Variants in MCUB observed in about 807,000 individuals in gnomAD.
MCUB encodes mitochondrial calcium uniporter dominant negative subunit beta.
Under a neutral mutation model 41.4 loss-of-function variants are expected in MCUB, and 46 were observed. The observed-to-expected ratio is 1.11, with a 90% CI of 0.88 to 1.42. The LOEUF (loss-of-function observed/expected upper bound fraction) is 1.42, where lower values mean the gene tolerates loss of function less well. Ranked by LOEUF, MCUB falls within the 40% of genes most tolerant of loss-of-function variation. MCUB has a pLI of 0.00. For synonymous variants in MCUB, 148 were observed against 148.2 expected, an observed-to-expected ratio of 1.00 and a Z score of 0.01; for missense variants, 403 against 404.9, an observed-to-expected ratio of 1.00 and a Z score of 0.04.
chr4:109,637,686 T>C (rs1469650590), intron 1 of MCUB, among the ~76,000 whole-genome samples: 1 of 152,120 alleles, frequency 6.6e-6, no homozygotes, highest in Non-Finnish European at 1.5e-5. Context: ...CATTCATAAG[T>C]GGGAGCTAAG....
At chr4:109,587,057 C>G (rs1312896783) in intron 1 of MCUB, among the ~76,000 whole-genome samples, 1 of 152,206 alleles carries the variant, frequency 6.6e-6, no homozygotes, top group Non-Finnish European at 1.5e-5. Context: ...ATGCCCTGTT[C>G]CCAGAGGTGG....
intron 4 of MCUB, among the ~76,000 whole-genome samples, chr4:109,668,699 T>G (rs555767912): frequency 2.1e-5 from 3 of 143,084 alleles, no homozygotes; most frequent in South Asian, 2.1e-4. Context: ...GTTGCCACTG[T>G]TTTTTTTTTT....
intron 1 of MCUB, among the ~76,000 whole-genome samples, chr4:109,569,093 C>G (rs1478489980): frequency 6.6e-6 from 1 of 152,186 alleles, no homozygotes; most frequent in Non-Finnish European, 1.5e-5. Context: ...GTCACCCAGG[C>G]TGGAGTGCAG....
At chr4:109,629,385 G>C (rs1317678856) in intron 1 of MCUB, among the ~76,000 whole-genome samples, 1 of 152,122 alleles carries the variant, frequency 6.6e-6, no homozygotes, top group Non-Finnish European at 1.5e-5. Context: ...CAACACAGAA[G>C]ACTTCTGTGA....
intron 1 of MCUB, among the ~76,000 whole-genome samples, chr4:109,602,876 G>T (rs961684906): frequency 6.6e-6 from 1 of 152,034 alleles, no homozygotes; most frequent in Non-Finnish European, 1.5e-5. Context: ...TCCGCTTCTT[G>T]CATCTATGAT....
chr4:109,588,015 G>C (rs1346656688), intron 1 of MCUB, among the ~76,000 whole-genome samples: 1 of 152,194 alleles, frequency 6.6e-6, no homozygotes, highest in Non-Finnish European at 1.5e-5. Context: ...AAAGTGTTGC[G>C]TTAAGTATCT....
Position 109,688,343 on chromosome 4 carries a change from A to C in MCUB, c.*751A>C, listed in dbSNP as rs551327749. 2 of 152,356 alleles carry C rather than the reference A, an allele frequency of 1.3e-5. No individual in the cohort carries two copies. The highest frequency in any genetic ancestry group is 4.1e-4 in the South Asian group (2 of 4,832). The allele number at this position is 152,356 out of a possible 1,614,324, so 9.4% of individuals were successfully genotyped here. On this transcript the variant is annotated 3_prime_UTR_variant, in exon 8 of 8. Coordinates refer to ENST00000394650, the MANE Select transcript of MCUB (RefSeq NM_017918.5). ...TGATTGTGTGTGAATGGGTCTGATGACTGTTGGACTGTTTGTAGGAACTTA... is the reference window on the plus strand; with the variant it reads ...TGATTGTGTGTGAATGGGTCTGATGCCTGTTGGACTGTTTGTAGGAACTTA...
intron 1 of MCUB, among the ~76,000 whole-genome samples, chr4:109,596,724 TC>T (rs34532211): frequency 5.6e-4 from 45 of 79,934 alleles, no homozygotes; most frequent in Admixed American, 2.0e-3. Context: ...TTCTTAAACT[TC>T]TTTTTTTTTT....
chr4:109,645,227 T>G (rs1561238775), intron 1 of MCUB, among the ~76,000 whole-genome samples: 1 of 152,168 alleles, frequency 6.6e-6, no homozygotes, highest in African/African-American at 2.4e-5. Context: ...TTAGTGTTCC[T>G]TAAAATCAAC....
At chr4:109,657,218 C>CAAAAAA (rs56707630) in intron 1 of MCUB, among the ~76,000 whole-genome samples, 1 of 111,384 alleles carries the variant, frequency 9.0e-6, no homozygotes, top group African/African-American at 3.4e-5. Flanking sequence ...TATTCCATCT[C>CAAAAAA]AAAAAAAAAA....
chr4:109,601,707 G>A (rs1397091093), intron 1 of MCUB, among the ~76,000 whole-genome samples: 1 of 152,178 alleles, frequency 6.6e-6, no homozygotes, highest in Non-Finnish European at 1.5e-5. Flanking sequence ...TGGGAGTGCA[G>A]ATATCTCTTT....
In MCUB at chr4:109,560,317, C is replaced by A; in HGVS notation, c.-21C>A. 8.3e-7 allele frequency: 1 copy of A among 1,210,188 alleles called. No homozygotes were observed. The highest frequency in any genetic ancestry group is 1.0e-6 in the Non-Finnish European group (1 of 962,358). 75.0% of individuals were successfully genotyped at this position (1,210,188 alleles called of 1,614,324 possible). A position where few individuals can be genotyped will look rare whatever the true frequency, so the allele number is the denominator to read the frequency against. Reference sequence around the variant, plus strand: ...GATGCGCCGCTGACGCCTGCGGGAGCCGCGCGCCTGGGGCGGGAGGATGCT... The same window carrying A: ...GATGCGCCGCTGACGCCTGCGGGAGACGCGCGCCTGGGGCGGGAGGATGCT... On this transcript the variant is annotated 5_prime_UTR_variant, in exon 1 of 8. Coordinates refer to ENST00000394650, the MANE Select transcript of MCUB (RefSeq NM_017918.5).
At chr4:109,613,581 C>T (rs957833896) in intron 1 of MCUB, among the ~76,000 whole-genome samples, 1 of 152,146 alleles carries the variant, frequency 6.6e-6, no homozygotes, top group Non-Finnish European at 1.5e-5. Context: ...AGCTGATAGA[C>T]AACAGAGCGA....
chr4:109,644,630 G>A (rs907325429), intron 1 of MCUB, among the ~76,000 whole-genome samples: 1 of 152,056 alleles, frequency 6.6e-6, no homozygotes, highest in African/African-American at 2.4e-5. Context: ...TAAATCACAG[G>A]CATGCCAAAA....
intron 1 of MCUB, among the ~76,000 whole-genome samples, chr4:109,642,274 A>G (rs1193174771): frequency 1.3e-5 from 2 of 152,174 alleles, no homozygotes; most frequent in East Asian, 1.9e-4. Flanking sequence ...TGATTTAATG[A>G]TATCTGTGGA....
chr4:109,573,204 G>A (rs887642730), intron 1 of MCUB, among the ~76,000 whole-genome samples: 2 of 152,118 alleles, frequency 1.3e-5, no homozygotes, highest in Admixed American at 1.3e-4. Context: ...TGTAATCCCA[G>A]CACTTTGGGA....
At chr4:109,574,457 G>C (rs541619020) in intron 1 of MCUB, among the ~76,000 whole-genome samples, 1 of 152,260 alleles carries the variant, frequency 6.6e-6, no homozygotes, top group African/African-American at 2.4e-5. Context: ...CACAGCTAGA[G>C]CCTGGTGCTG....
intron 4 of MCUB, chr4:109,674,127 G>A: frequency 7.2e-7 from 1 of 1,391,676 alleles, no homozygotes; most frequent in Non-Finnish European, 1.0e-6. Flanking sequence ...AGCCTTAGAA[G>A]AAGAGATGCT....
intron 1 of MCUB, among the ~76,000 whole-genome samples, chr4:109,653,403 T>C (rs1729007519): frequency 6.6e-6 from 1 of 151,884 alleles, no homozygotes; most frequent in African/African-American, 2.4e-5. Flanking sequence ...AAGAAAGAAC[T>C]GCCAAATGTT....
Sources: allele counts gnomAD v4.1 joint callset (sites outside exome capture counted in the v4.1 genomes callset), GRCh38; gene constraint gnomAD v4.1.1; transcripts MANE v1.5; gene names NCBI Gene and HGNC (gene_info 2026-07-23, HGNC 2026-07-21).